Variants in ADCK1 observed in about 807,000 individuals in gnomAD.
The protein encoded by ADCK1 is aarF domain-containing protein kinase 1.
Under a neutral mutation model 52.3 loss-of-function variants are expected in ADCK1, and 41 were observed. The ratio of observed to expected loss-of-function variants is 0.78; its 90% CI spans 0.61 to 1.02. The LOEUF is 1.02. ADCK1 is among the 50% of genes least tolerant of loss of function. The pLI, the probability that ADCK1 is intolerant of heterozygous loss-of-function variation, is 0.00. For missense variants in ADCK1, 658 were observed against 679.5 expected (o/e 0.97, Z 0.35); for synonymous variants, 250 against 274.6 (o/e 0.91, Z 0.89).
At chr14:77,803,780 C>G (rs536044311) in intron 1 of ADCK1, among the ~76,000 whole-genome samples, 6 of 152,278 alleles carry the variant, frequency 3.9e-5, no homozygotes, top group African/African-American at 1.2e-4. Flanking sequence ...TAGTCTCTGC[C>G]CACAGCAACA....
chr14:77,894,479 G>T (rs948631856), intron 5 of ADCK1, among the ~76,000 whole-genome samples: 1 of 152,070 alleles, frequency 6.6e-6, no homozygotes, highest in African/African-American at 2.4e-5. Flanking sequence ...GTATTGTCCT[G>T]TGTCGTTGTG....
chr14:77,866,510 C>T (rs2082664284), intron 4 of ADCK1, among the ~76,000 whole-genome samples: 1 of 152,180 alleles, frequency 6.6e-6, no homozygotes, highest in South Asian at 2.1e-4. Context: ...ACCTGGGGGG[C>T]AGCTCAGCTG....
rs762897245 is a variant in ADCK1, at chr14:77,887,192, G to C, written c.525G>C (p.Val175=). The part of the protein sequence containing the change: ...AVLHDGRTVA[V]KVQHPKVRAQ... Reference sequence around the variant, plus strand: ...TGCATGATGGGCGGACGGTGGCCGTGAAGGTCCAGCACCCAAAGGTGCGGG... The same window carrying C: ...TGCATGATGGGCGGACGGTGGCCGTCAAGGTCCAGCACCCAAAGGTGCGGG... The change falls in exon 5 of 11, where the codon GTG becomes GTC. Residue 175 remains valine, a synonymous_variant. Transcript: ENST00000238561. 1.2e-6 allele frequency: 2 copies of C among 1,610,866 alleles called. No individual in the cohort carries two copies. Among genetic ancestry groups the C allele is most frequent in the Admixed American group, 3.4e-5 (2 of 59,694 alleles).
chr14:77,845,753 T>A (rs1368725026), intron 3 of ADCK1, among the ~76,000 whole-genome samples: 2 of 152,094 alleles, frequency 1.3e-5, no homozygotes, highest in South Asian at 2.1e-4. Flanking sequence ...TTGCTTTATC[T>A]TTCTAGATTC....
intron 1 of ADCK1, among the ~76,000 whole-genome samples, chr14:77,804,450 A>T (rs2081175322): frequency 6.6e-6 from 1 of 152,104 alleles, no homozygotes; most frequent in Admixed American, 6.6e-5. Flanking sequence ...CACTGAGGAC[A>T]TTTGCACGAA....
At chr14:77,852,097 CA>C (rs978057189) in intron 3 of ADCK1, among the ~76,000 whole-genome samples, 1 of 152,066 alleles carries the variant, frequency 6.6e-6, no homozygotes, top group Non-Finnish European at 1.5e-5. Context: ...CTCCCGGGTG[CA>C]AGTGATTCTT....
intron 7 of ADCK1, among the ~76,000 whole-genome samples, chr14:77,919,508 G>A (rs2084000278): frequency 6.6e-6 from 1 of 152,102 alleles, no homozygotes; most frequent in African/African-American, 2.4e-5. Flanking sequence ...ATTTAGGCTG[G>A]TTCCATATTT....
intron 4 of ADCK1, among the ~76,000 whole-genome samples, chr14:77,860,026 A>G (rs2082509452): frequency 6.6e-6 from 1 of 152,208 alleles, no homozygotes; most frequent in Admixed American, 6.5e-5. Flanking sequence ...ACTTCAGGCC[A>G]TCTGCCTATC....
At chr14:77,839,072 G>T (rs1483977711) in intron 3 of ADCK1, among the ~76,000 whole-genome samples, 1 of 152,196 alleles carries the variant, frequency 6.6e-6, no homozygotes, top group Non-Finnish European at 1.5e-5. Context: ...ATCACTGTGG[G>T]TCTAAGTAAA....
chr14:77,817,920 A>G (rs1376553492), intron 1 of ADCK1, among the ~76,000 whole-genome samples: 2 of 122,392 alleles, frequency 1.6e-5, no homozygotes, highest in Admixed American at 8.2e-5. Flanking sequence ...TTTTTTTTTT[A>G]GTAGAGACGG....
intron 3 of ADCK1, among the ~76,000 whole-genome samples, chr14:77,839,618 G>A (rs1644859089): frequency 6.6e-6 from 1 of 152,242 alleles, no homozygotes; most frequent in African/African-American, 2.4e-5. Flanking sequence ...TGCTTGCAGA[G>A]AGCAGCAGTG....
intron 3 of ADCK1, among the ~76,000 whole-genome samples, chr14:77,835,017 T>G (rs990189257): frequency 5.9e-5 from 9 of 152,156 alleles, no homozygotes; most frequent in African/African-American, 2.2e-4. Context: ...TGACCCGCCC[T>G]GGACTGGGTG....
rs762239164 is a variant in ADCK1, at chr14:77,931,581, G to A, written c.1270G>A (p.Val424Met). The A allele has an allele frequency of 1.2e-5, 19 of 1,613,982 alleles. No individual in the cohort carries two copies. Among genetic ancestry groups the A allele is most frequent in the Admixed American group, 3.3e-5 (2 of 60,030 alleles). The change falls in exon 10 of 11, where the codon GTG (valine) becomes ATG (methionine). Residue 424 changes from valine (V) to methionine (M), a missense_variant. Val to Met is a conservative substitution (Grantham distance 21). Transcript: ENST00000238561. ...CCAGATCAGCCATCTCCTCAACCAC[G>A]TGCCGCGCCAGATGCTGCTCATCTT... ...LPQISHLLNH[V>M]PRQMLLILKT... is the part of the protein sequence containing the mutation.
intron 5 of ADCK1, among the ~76,000 whole-genome samples, chr14:77,895,483 G>A (rs899451608): frequency 3.3e-5 from 5 of 152,196 alleles, no homozygotes; most frequent in Non-Finnish European, 7.3e-5. Context: ...AGGCACTGGT[G>A]AAAACATTGG....
Position 77,819,068 on chromosome 14 carries a change from C to T in ADCK1, c.90C>T (p.Asp30=), listed in dbSNP as rs945898824. ...ACTTCTACAGTAACAAGTACTTGGA[C>T]CCTAATGACTTTGGCGCTGTCAGGG... ...GIYFYSNKYL[D]PNDFGAVRVG... The change falls in exon 2 of 11, where the codon GAC becomes GAT. Residue 30 remains aspartate (D), a synonymous_variant. Transcript: ENST00000238561. The T allele has an allele frequency of 1.2e-6, 2 of 1,614,050 alleles. No homozygotes were observed. The highest frequency in any genetic ancestry group is 1.3e-5 in the African/African-American group (1 of 74,920).
chr14:77,833,301 T>TGGAA (rs2081895438), intron 3 of ADCK1, among the ~76,000 whole-genome samples: 1 of 152,084 alleles, frequency 6.6e-6, no homozygotes, highest in African/African-American at 2.4e-5. Flanking sequence ...TGTCGACCTG[T>TGGAA]CATGGAATCT....
At chr14:77,909,999 C>T (rs886417432) in intron 7 of ADCK1, among the ~76,000 whole-genome samples, 8 of 152,062 alleles carry the variant, frequency 5.3e-5, no homozygotes, top group African/African-American at 1.4e-4. Context: ...AAGGAGGGGC[C>T]GCATCAAAGT....
chr14:77,833,229 G>A (rs899386426), intron 3 of ADCK1, among the ~76,000 whole-genome samples: 2 of 152,188 alleles, frequency 1.3e-5, no homozygotes, highest in East Asian at 1.9e-4. Flanking sequence ...GCTGGGATGC[G>A]TTCCTCCTGG....
In ADCK1 at chr14:77,931,584, C is replaced by A; in HGVS notation, c.1273C>A (p.Pro425Thr). Residue 425 changes from proline (P) to threonine (T), a missense_variant, in exon 10 of 11, where the codon CCG (proline) becomes ACG (threonine). By Grantham distance (38) the Pro-to-Thr change is conservative (BLOSUM62 -1). Coordinates refer to ENST00000238561, the MANE Select transcript of ADCK1 (RefSeq NM_020421.4). Reference protein sequence around the residue: ...PQISHLLNHVPRQMLLILKTN... With the variant: ...PQISHLLNHVTRQMLLILKTN... Reference sequence around the variant, plus strand: ...GATCAGCCATCTCCTCAACCACGTGCCGCGCCAGATGCTGCTCATCTTGAA... The same window carrying A: ...GATCAGCCATCTCCTCAACCACGTGACGCGCCAGATGCTGCTCATCTTGAA... 3 of 1,613,962 alleles carry A rather than the reference C, an allele frequency of 1.9e-6. No homozygotes were observed. In the South Asian group the frequency reaches 3.3e-5, roughly 18 times the overall value.
Sources: gnomAD v4.1 joint callset for allele counts (sites outside exome capture counted in the v4.1 genomes callset) on GRCh38, gnomAD v4.1.1 for gene constraint, MANE v1.5 for transcripts, NCBI Gene and HGNC (gene_info 2026-07-23, HGNC 2026-07-21) for gene names.